TNS1: variants seen among roughly 807,000 people sequenced by gnomAD.
TNS1 encodes tensin 1.
Under a neutral mutation model 168.6 loss-of-function variants are expected in TNS1, and 62 were observed. The ratio of observed to expected loss-of-function variants is 0.37; its 90% confidence interval spans 0.30 to 0.45. The LOEUF (loss-of-function observed/expected upper bound fraction) is 0.45. TNS1 is among the 20% of genes least tolerant of loss of function. The probability of loss-of-function intolerance (pLI) is 1.00; values close to 1 mark genes in which losing one functional copy is unlikely to be tolerated. For synonymous variants in TNS1, 934 were observed against 933.2 expected, an observed-to-expected ratio of 1.00 and a Z score of -0.02; for missense variants, 2,240 against 2,339.4, an observed-to-expected ratio of 0.96 and a Z score of 0.88.
At chr2:217,850,412 G>T in intron 18 of TNS1, 1 of 985,300 alleles carries the variant, frequency 1.0e-6, no homozygotes, top group African/African-American at 1.7e-5. Flanking sequence ...CCTCTTGTCT[G>T]CAGACAGCTC....
chr2:218,026,531 C>T (rs1194922329), intron 1 of TNS1, among the ~76,000 whole-genome samples: 1 of 152,202 alleles, frequency 6.6e-6, no homozygotes, highest in Admixed American at 6.5e-5. Context: ...GCTCCTCTAC[C>T]TCCCCAGGGC....
chr2:217,888,314 C>T (rs1043436186), intron 12 of TNS1, among the ~76,000 whole-genome samples: 1 of 152,182 alleles, frequency 6.6e-6, no homozygotes, highest in Non-Finnish European at 1.5e-5. Context: ...CCATCTGCTC[C>T]ATTCCCTGCA....
chr2:217,980,516 G>C (rs980704187), intron 2 of TNS1, among the ~76,000 whole-genome samples: 13 of 78,726 alleles, frequency 1.7e-4, no homozygotes, highest in South Asian at 5.2e-4. Flanking sequence ...CAGAGAGAGA[G>C]AGAGAGAGAG....
intron 23 of TNS1, among the ~76,000 whole-genome samples, chr2:217,821,535 T>C (rs1574627642): frequency 6.6e-6 from 1 of 152,196 alleles, no homozygotes; most frequent in East Asian, 1.9e-4. Flanking sequence ...CTGGGAATTA[T>C]AGGTCACTGG....
Position 217,906,337 on chromosome 2 carries a change from T to C in TNS1, c.319A>G (p.Asn107Asp). The change falls in exon 6 of 33, where the codon AAC (asparagine) becomes GAC (aspartate). Residue 107 changes from asparagine (N) to aspartate (D), a missense_variant and splice_region_variant. Around this residue, in one of 2 missense-constraint regions of TNS1, gnomAD observed 2,131 missense variants for 2,171.2 expected, o/e 0.98. Transcript: ENST00000682258. ...TTCTTCTCCCCATCCACACTCACGT[T>C]GTCCTCGAGGCTTTTCCGTGTGTTT... is the stretch of plus-strand genomic sequence containing the variant. ...GGNTRKSLED[N>D]GSTRVTPSVQ... The C allele has an allele frequency of 1.4e-6, 1 of 701,094 alleles. No homozygotes were observed. The highest frequency in any genetic ancestry group is 1.5e-5 in the South Asian group (1 of 67,392). 43.4% of individuals were successfully genotyped at this position (701,094 alleles called of 1,614,324 possible).
chr2:217,980,221 C>G (rs750728628), intron 2 of TNS1, among the ~76,000 whole-genome samples: 2 of 152,148 alleles, frequency 1.3e-5, no homozygotes, highest in African/African-American at 2.4e-5. Context: ...CCACCAGCCA[C>G]CCAGCCTAGC....
upstream of TNS1, among the ~76,000 whole-genome samples, chr2:218,003,362 G>A (rs947673681): frequency 6.6e-6 from 1 of 152,148 alleles, no homozygotes; most frequent in Non-Finnish European, 1.5e-5. Flanking sequence ...ACCACTGATG[G>A]ATGAACAGAC....
chr2:217,832,639 G>A (rs1944604196), intron 21 of TNS1, among the ~76,000 whole-genome samples: 1 of 152,124 alleles, frequency 6.6e-6, no homozygotes, highest in South Asian at 2.1e-4. Context: ...CCAAAAGACA[G>A]TCAGACCTAC....
upstream of TNS1, among the ~76,000 whole-genome samples, chr2:218,006,141 T>A (rs1958655341): frequency 6.6e-6 from 1 of 152,200 alleles, no homozygotes; most frequent in Non-Finnish European, 1.5e-5. Flanking sequence ...TCCAGCCCCC[T>A]GCTCAGCAGC....
At chr2:218,031,738 A>ATCCCCCAT (rs1206677599) in intron 1 of TNS1, among the ~76,000 whole-genome samples, 3 of 152,168 alleles carry the variant, frequency 2.0e-5, no homozygotes, top group Non-Finnish European at 4.4e-5. Context: ...CCCATGGGGG[A>ATCCCCCAT]GGGAGTCAGA....
intron 32 of TNS1, among the ~76,000 whole-genome samples, chr2:217,804,834 A>C (rs1938143784): frequency 6.6e-6 from 1 of 152,168 alleles, no homozygotes; most frequent in Non-Finnish European, 1.5e-5. Flanking sequence ...GGTGGGCAGA[A>C]ATCCCCTTTG....
chr2:217,820,438 GA>G (rs1942651513), intron 23 of TNS1, among the ~76,000 whole-genome samples: 1 of 152,170 alleles, frequency 6.6e-6, no homozygotes, highest in South Asian at 2.1e-4. Context: ...TTAGAATCCA[GA>G]AGACAGTTGC....
chr2:217,915,463 A>G (rs1042528511), intron 4 of TNS1, among the ~76,000 whole-genome samples: 1 of 152,212 alleles, frequency 6.6e-6, no homozygotes, highest in African/African-American at 2.4e-5. Flanking sequence ...CAACTGTGGC[A>G]GAAAGGAACT....
intron 24 of TNS1, 40 bp downstream of exon 24, chr2:217,817,650 A>T (rs750734828): frequency 1.3e-6 from 2 of 1,492,964 alleles, no homozygotes; most frequent in East Asian, 2.3e-5. Flanking sequence ...TACTTACTTC[A>T]TCAGCAGGAG....
chr2:217,947,286 G>C (rs928581018), intron 3 of TNS1, among the ~76,000 whole-genome samples: 1 of 152,138 alleles, frequency 6.6e-6, no homozygotes, highest in Non-Finnish European at 1.5e-5. Flanking sequence ...ATGGAACTTG[G>C]GGGAGGGAGG....
intron 3 of TNS1, among the ~76,000 whole-genome samples, chr2:217,924,600 C>T (rs186768056): frequency 9.2e-5 from 14 of 152,324 alleles, no homozygotes; most frequent in Non-Finnish European, 1.9e-4. Flanking sequence ...CTTGTGGCCA[C>T]AATCGCTGCC....
chr2:217,920,399 A>C (rs1229428852), intron 3 of TNS1, among the ~76,000 whole-genome samples, 163 bp from the exon 4 acceptor site: 1 of 152,180 alleles, frequency 6.6e-6, no homozygotes, highest in Non-Finnish European at 1.5e-5. Context: ...ACACAGAAAA[A>C]CTACTCCAGC....
chr2:217,902,118 G>A (rs1192125752), intron 6 of TNS1: 3 of 152,158 alleles, frequency 2.0e-5, no homozygotes, highest in African/African-American at 2.4e-5. Flanking sequence ...GGGAGTCAAC[G>A]AGTGACTGTG....
Position 217,886,170 on chromosome 2 carries a change from C to T in TNS1, c.980-66G>A, listed in dbSNP as rs547310214. ...TGGCAGGCAGGAGGGGCAGAGGAGA[C>T]AGTGAAGGGAGAAAGAGAGAAAGGA... On this transcript the variant is annotated intron_variant, in intron 13 of 32. Transcript: ENST00000682258. The T allele has an allele frequency of 3.5e-5, 53 of 1,530,700 alleles. No individual in the cohort carries two copies. In the African/African-American group the frequency reaches 6.3e-4, roughly 18 times the overall value. 94.8% of individuals were successfully genotyped at this position (1,530,700 alleles called of 1,614,324 possible).
Sources: gnomAD v4.1 joint callset for allele counts (sites outside exome capture counted in the v4.1 genomes callset) on GRCh38, gnomAD v4.1.1 for gene constraint, gnomAD v4.1.1 regional missense constraint, MANE v1.5 for transcripts, NCBI Gene and HGNC (gene_info 2026-07-23, HGNC 2026-07-21) for gene names.